Variants in DSTN observed in about 807,000 individuals in gnomAD.
The protein encoded by DSTN is destrin, actin depolymerizing factor.
Under a neutral mutation model 16.8 loss-of-function variants are expected in DSTN, and 10 were observed. The ratio of observed to expected loss-of-function variants is 0.60; its 90% CI spans 0.37 to 1.01. The LOEUF (loss-of-function observed/expected upper bound fraction) is 1.01, where lower values mean the gene tolerates loss of function less well. Among genes scored for constraint, DSTN ranks in the 50% least tolerant of loss-of-function variants. DSTN has a pLI of 0.01. For synonymous variants in DSTN, 57 were observed against 58.9 expected, an observed-to-expected ratio of 0.97 and a Z score of 0.14; for missense variants, 141 against 196.7, an observed-to-expected ratio of 0.72 and a Z score of 1.69.
Position 17,570,075 on chromosome 20 carries a change from GC to G in DSTN, c.-130del. ...CCGCGTTCCGTCCTGAGGCGCGCCC[GC>G]CCCGGGGTAAGCTCGCGCCGCCGCG... On this transcript the variant is annotated 5_prime_UTR_variant, in exon 1 of 4. Transcript: ENST00000246069. 7.3e-7 allele frequency: 1 copy of G among 1,367,764 alleles called. No homozygotes were observed. The highest frequency in any genetic ancestry group is 9.7e-7 in the Non-Finnish European group (1 of 1,035,180). The allele number at this position is 1,367,764 out of a possible 1,614,324, so 84.7% of individuals were successfully genotyped here.
At chr20:17,570,674 T>C (rs991407734) in intron 1 of DSTN, among the ~76,000 whole-genome samples, 1 of 152,236 alleles carries the variant, frequency 6.6e-6, no homozygotes, top group African/African-American at 2.4e-5. Context: ...TTGTGCGCGT[T>C]CCAGCCCTTG....
intron 1 of DSTN, 56 bp from the exon 2 acceptor site, chr20:17,600,682 T>C: frequency 1.4e-6 from 2 of 1,476,006 alleles, no homozygotes; most frequent in South Asian, 1.5e-5. Context: ...TTTATTATTT[T>C]ATGTTTGGCA....
At chr20:17,586,886 T>A (rs2035415684) in intron 1 of DSTN, among the ~76,000 whole-genome samples, 1 of 152,224 alleles carries the variant, frequency 6.6e-6, no homozygotes, top group South Asian at 2.1e-4. Context: ...AGAAGTTAGC[T>A]GACTTGCCCA....
intron 1 of DSTN, among the ~76,000 whole-genome samples, chr20:17,594,339 G>T (rs2035502361): frequency 6.6e-6 from 1 of 151,920 alleles, no homozygotes; most frequent in South Asian, 2.1e-4. Flanking sequence ...CAGAAGGGTT[G>T]GGCAGCCTTC....
In DSTN at chr20:17,609,025, C is replaced by A. The variant is rs944412871; in HGVS notation, c.*1879C>A. 7 of 152,118 alleles carry A rather than the reference C, an allele frequency of 4.6e-5. No individual in the cohort carries two copies. Among genetic ancestry groups the A allele is most frequent in the African/African-American group, 1.7e-4 (7 of 41,428 alleles). The allele number at this position is 152,118 out of a possible 1,614,324, so 9.4% of individuals were successfully genotyped here. On this transcript the variant is annotated 3_prime_UTR_variant, in exon 4 of 4. Coordinates refer to ENST00000246069, the MANE Select transcript of DSTN (RefSeq NM_006870.4). ...CAGCCTAGGTGTGTAGTAGGCTATG[C>A]CACTAGGTTTAAGTGCAGTCTAGGG...
At chr20:17,594,577 A>G (rs2035505245) in intron 1 of DSTN, among the ~76,000 whole-genome samples, 1 of 151,914 alleles carries the variant, frequency 6.6e-6, no homozygotes, top group Non-Finnish European at 1.5e-5. Context: ...CAGAACTCAA[A>G]TGGCTGTTCA....
chr20:17,604,686 G>A, intron 3 of DSTN, 55 bp downstream of exon 3: 1 of 1,524,978 alleles, frequency 6.6e-7, no homozygotes, highest in African/African-American at 1.4e-5. Flanking sequence ...CTCAGAATGG[G>A]GCAGCACCTT....
intron 1 of DSTN, among the ~76,000 whole-genome samples, chr20:17,597,991 T>A (rs919495157): frequency 3.1e-5 from 3 of 98,298 alleles, no homozygotes; most frequent in Non-Finnish European, 7.7e-5. Context: ...ACAGTGTTTG[T>A]CAAGGTTCAT....
intron 1 of DSTN, among the ~76,000 whole-genome samples, chr20:17,588,902 A>G (rs1023287187): frequency 4.6e-5 from 7 of 152,042 alleles, no homozygotes; most frequent in African/African-American, 7.2e-5. Flanking sequence ...TGGTGGGGAG[A>G]GTGTTTCAGC....
chr20:17,590,498 C>G, intron 1 of DSTN, among the ~76,000 whole-genome samples: 1 of 152,148 alleles, frequency 6.6e-6, no homozygotes, highest in Admixed American at 6.5e-5. Context: ...GCTCTAAGAG[C>G]AACTGTTCTC....
chr20:17,601,262 TTTG>T, intron 2 of DSTN, among the ~76,000 whole-genome samples: 1 of 151,684 alleles, frequency 6.6e-6, no homozygotes, highest in Non-Finnish European at 1.5e-5. Context: ...ACTCTCCGTT[TTTG>T]TTTTTTTTTT....
chr20:17,591,200 CAG>C (rs2035465258), intron 1 of DSTN, among the ~76,000 whole-genome samples: 1 of 152,142 alleles, frequency 6.6e-6, no homozygotes, highest in South Asian at 2.1e-4. Context: ...ATCTGTAAAA[CAG>C]ATAATTCTGT....
At chr20:17,604,444 C>T (rs2122211257) in intron 2 of DSTN, 111 bp from the exon 3 acceptor site, 1 of 1,115,762 alleles carries the variant, frequency 9.0e-7, no homozygotes, top group Non-Finnish European at 1.3e-6. Flanking sequence ...AAAAATATCT[C>T]AGGAGAGTCT....
At chr20:17,586,764 G>GT (rs1600704642) in intron 1 of DSTN, among the ~76,000 whole-genome samples, 1 of 152,208 alleles carries the variant, frequency 6.6e-6, no homozygotes, top group Non-Finnish European at 1.5e-5. Context: ...TCTGGTTAAT[G>GT]TAAGAGTCTT....
intron 1 of DSTN, among the ~76,000 whole-genome samples, chr20:17,595,360 G>A (rs2035514982): frequency 6.6e-6 from 1 of 152,108 alleles, no homozygotes; most frequent in Admixed American, 6.5e-5. Context: ...TTTTGGCAGT[G>A]TATCTTCCTT....
rs979547941 is a variant in DSTN, at chr20:17,596,710, T to C, written c.4-4028T>C. 6.1e-6 allele frequency: 6 copies of C among 985,312 alleles called. No homozygotes were observed. In the African/African-American group the frequency reaches 1.0e-4, roughly 17 times the overall value. 61.0% of individuals were successfully genotyped at this position (985,312 alleles called of 1,614,324 possible). ...AATTTCCTCAAGCACAAGTGTCTAA[T>C]GGTATAAGAAACCTCCACAGACATC... On this transcript the variant is annotated intron_variant, in intron 1 of 3. Transcript: ENST00000246069.
chr20:17,580,838 G>A (rs2035335515), intron 1 of DSTN, among the ~76,000 whole-genome samples: 1 of 152,166 alleles, frequency 6.6e-6, no homozygotes, highest in African/African-American at 2.4e-5. Context: ...GACTTACATG[G>A]CAATAAAGAG....
At chr20:17,585,800 A>G (rs1367462513) in intron 1 of DSTN, among the ~76,000 whole-genome samples, 2 of 152,216 alleles carry the variant, frequency 1.3e-5, no homozygotes, top group African/African-American at 4.8e-5. Flanking sequence ...TTGTCTCTAT[A>G]GTTTTACCTT....
At chr20:17,586,830 G>A (rs1390100271) in intron 1 of DSTN, among the ~76,000 whole-genome samples, 10 of 152,188 alleles carry the variant, frequency 6.6e-5, no homozygotes, top group Admixed American at 5.9e-4. Flanking sequence ...TTTTGAGTTA[G>A]CAGTATGATA....
Sources: allele counts gnomAD v4.1 joint callset (sites outside exome capture counted in the v4.1 genomes callset), GRCh38; gene constraint gnomAD v4.1.1; transcripts MANE v1.5; gene names NCBI Gene and HGNC (gene_info 2026-07-23, HGNC 2026-07-21).